Variants in EGFR observed in about 807,000 individuals in gnomAD.
The protein encoded by EGFR is epidermal growth factor receptor.
EGFR carries 58 observed loss-of-function variants against 143.0 expected under a neutral mutation model. The observed-to-expected ratio is 0.41, with a 90% CI of 0.33 to 0.50. The LOEUF is 0.50. EGFR is among the 20% of genes least tolerant of loss of function. EGFR has a pLI of 0.39. For synonymous variants in EGFR, 613 were observed against 594.4 expected (o/e 1.03, Z -0.45); for missense variants, 1,307 against 1,579.0 (o/e 0.83, Z 2.92).
intron 1 of EGFR, among the ~76,000 whole-genome samples, chr7:55,100,185 G>T (rs544127884): frequency 2.0e-5 from 3 of 152,318 alleles, no homozygotes; most frequent in Middle Eastern, 3.4e-3. Context: ...AGTGCCCAGG[G>T]AATGGGCAGA....
chr7:55,094,391 G>A (rs955716338), intron 1 of EGFR, among the ~76,000 whole-genome samples: 1 of 152,188 alleles, frequency 6.6e-6, no homozygotes, highest in African/African-American at 2.4e-5. Context: ...GCAGCCTCCT[G>A]CCACCCACTG....
At position 55,142,527 on chromosome 7, in the gene EGFR, A is replaced by AT; in HGVS notation, c.240+95dup. ...GCAGAATTCCACTTGAAGTGTGTTT[A>AT]TTTTTGCTATGGCAATGACAAGTCT... On this transcript the variant is annotated intron_variant, in intron 2 of 27. Transcript: ENST00000275493. 6 of 1,529,802 alleles carry AT rather than the reference A, an allele frequency of 3.9e-6. No homozygotes were observed. In the South Asian group the frequency reaches 6.8e-5, roughly 17 times the overall value. 94.8% of individuals were successfully genotyped at this position (1,529,802 alleles called of 1,614,324 possible).
rs1458043594 is a variant in EGFR at position 55,157,630 on chromosome 7, G to T, written c.1208-33G>T. 3.8e-6 allele frequency: 6 copies of T among 1,584,786 alleles called. No individual in the cohort carries two copies. The Admixed American group carries it at 8.3e-5, about 22-fold the overall frequency. On this transcript the variant is annotated intron_variant, in intron 10 of 27. Transcript: ENST00000275493. ...CATACAAAAAAGAAACTCCTACGTGGTGTGTGTCTGAAGTCTTTCATCTGC... is the reference window on the plus strand; with the variant it reads ...CATACAAAAAAGAAACTCCTACGTGTTGTGTGTCTGAAGTCTTTCATCTGC...
chr7:55,101,120 G>A (rs905842532), intron 1 of EGFR, among the ~76,000 whole-genome samples: 7 of 152,182 alleles, frequency 4.6e-5, no homozygotes, highest in Non-Finnish European at 7.3e-5. Context: ...CCTCTGCAAG[G>A]GCTGCCAGAT....
intron 14 of EGFR, 88 bp downstream of exon 14, chr7:55,163,911 T>TGTG (rs1785835427): frequency 6.9e-7 from 1 of 1,451,470 alleles, no homozygotes; most frequent in Non-Finnish European, 9.7e-7. Flanking sequence ...GGGCATCCTG[T>TGTG]GTGGGCAGGA....
chr7:55,069,179 A>AT (rs1195462173), intron 1 of EGFR, among the ~76,000 whole-genome samples: 1 of 152,160 alleles, frequency 6.6e-6, no homozygotes, highest in Non-Finnish European at 1.5e-5. Flanking sequence ...TCTATGGTTA[A>AT]TTTTTTTCTA....
At chr7:55,067,861 T>C (rs1789596286) in intron 1 of EGFR, among the ~76,000 whole-genome samples, 1 of 151,216 alleles carries the variant, frequency 6.6e-6, no homozygotes, top group Non-Finnish European at 1.5e-5. Context: ...CCTGTGTGTG[T>C]CTGTGTGTCT....
intron 1 of EGFR, among the ~76,000 whole-genome samples, chr7:55,047,649 G>A (rs890585489): frequency 1.3e-5 from 2 of 152,320 alleles, no homozygotes; most frequent in South Asian, 4.1e-4. Context: ...TAGTTGAGGG[G>A]CTGAGGCAGG....
intron 13 of EGFR, among the ~76,000 whole-genome samples, chr7:55,163,360 C>G (rs539037385): frequency 2.7e-4 from 41 of 152,308 alleles, no homozygotes; most frequent in African/African-American, 9.6e-4. Flanking sequence ...CTTCCTTTTT[C>G]TATCACTTAA....
At chr7:55,181,004 ACTC>A (rs1786837826) in intron 19 of EGFR, 1 of 539,414 alleles carries the variant, frequency 1.9e-6, no homozygotes, top group East Asian at 3.1e-5. Context: ...GGTGACTCCG[ACTC>A]CTCCTTTATC....
intron 20 of EGFR, chr7:55,189,027 G>A (rs1408868992): frequency 1.3e-5 from 2 of 152,146 alleles, no homozygotes; most frequent in African/African-American, 4.8e-5. Context: ...TAGATTGACA[G>A]AGTGACGCGG....
chr7:55,100,500 A>G (rs142136033), intron 1 of EGFR, among the ~76,000 whole-genome samples: 122 of 152,364 alleles, frequency 8.0e-4, no homozygotes, highest in Non-Finnish European at 1.5e-3. Context: ...TGTCTGCAGG[A>G]AATTCTTCCC....
At chr7:55,194,685 A>T (rs1489104406) in intron 22 of EGFR, among the ~76,000 whole-genome samples, 1 of 152,110 alleles carries the variant, frequency 6.6e-6, no homozygotes, top group Non-Finnish European at 1.5e-5. Context: ...TGCCAGCGCA[A>T]TGCCCACACT....
intron 1 of EGFR, among the ~76,000 whole-genome samples, chr7:55,093,717 G>A (rs1217336568): frequency 1.3e-5 from 2 of 152,158 alleles, no homozygotes; most frequent in East Asian, 3.9e-4. Context: ...CTTTTAGCTG[G>A]TGGATGGCAT....
intron 1 of EGFR, among the ~76,000 whole-genome samples, chr7:55,099,470 GTGAAATCATTGCT>G (rs1203224909): frequency 2.0e-5 from 3 of 152,246 alleles, no homozygotes; most frequent in African/African-American, 7.2e-5. Flanking sequence ...CTATGAAAAG[GTGAAATCATTGCT>G]TGAAATCGCT....
chr7:55,139,502 G>A (rs1373233000), intron 1 of EGFR, among the ~76,000 whole-genome samples: 2 of 152,148 alleles, frequency 1.3e-5, no homozygotes, highest in East Asian at 1.9e-4. Flanking sequence ...GTTAAATGCT[G>A]CTGTCTCCTT....
At chr7:55,187,217 A>G (rs1787177379) in intron 20 of EGFR, among the ~76,000 whole-genome samples, 1 of 152,200 alleles carries the variant, frequency 6.6e-6, no homozygotes, top group African/African-American at 2.4e-5. Flanking sequence ...GGTCGCTGCA[A>G]AAGGAATGGA....
chr7:55,161,595 G>T lies in EGFR; in HGVS notation c.1595G>T (p.Gly532Val), dbSNP rs2128942976. ...GTCTCTTGCCGGAATGTCAGCCGAGGCAGGGAATGCGTGGACAAGTGCAAC... is the reference window on the plus strand; with the variant it reads ...GTCTCTTGCCGGAATGTCAGCCGAGTCAGGGAATGCGTGGACAAGTGCAAC... ...DCVSCRNVSR[G>V]RECVDKCNLL... Residue 532 changes from glycine to valine, a missense_variant, in exon 13 of 28, where the codon GGC (glycine) becomes GTC (valine). By Grantham distance (109) the Gly-to-Val change is moderately radical (BLOSUM62 -3). Transcript: ENST00000275493. 6.2e-7 allele frequency: 1 copy of T among 1,614,276 alleles called. No homozygotes were observed. Among genetic ancestry groups the T allele is most frequent in the Non-Finnish European group, 8.5e-7 (1 of 1,180,040 alleles).
chr7:55,136,354 G>T (rs1322962241), intron 1 of EGFR, among the ~76,000 whole-genome samples: 1 of 152,114 alleles, frequency 6.6e-6, no homozygotes, highest in Non-Finnish European at 1.5e-5. Flanking sequence ...CAACCAGAAA[G>T]TGGCAAGGAC....
Sources: gnomAD v4.1 joint callset for allele counts (sites outside exome capture counted in the v4.1 genomes callset) on GRCh38, gnomAD v4.1.1 for gene constraint, MANE v1.5 for transcripts, NCBI Gene and HGNC (gene_info 2026-07-23, HGNC 2026-07-21) for gene names.